The following OR2L13 variants were observed in gnomAD, a reference collection of about 807,000 sequenced individuals.
The protein encoded by OR2L13 is olfactory receptor 2L13.
A neutral mutation model predicts 15.3 loss-of-function variants in OR2L13; 14 were observed. The ratio of observed to expected loss-of-function variants is 0.91; its 90% CI spans 0.60 to 1.43. OR2L13 has a LOEUF of 1.43. Ranked by LOEUF, OR2L13 falls within the 40% of genes most tolerant of loss-of-function variation. The probability of loss-of-function intolerance (pLI) is 0.00; values close to 1 mark genes in which losing one functional copy is unlikely to be tolerated. For synonymous variants in OR2L13, 152 were observed against 142.9 expected, an observed-to-expected ratio of 1.06 and a Z score of -0.45; for missense variants, 367 against 387.9, an observed-to-expected ratio of 0.95 and a Z score of 0.45.
chr1:248,061,682 TTAAAA>T, the OR2L13 span: 1 of 1,382,980 alleles, frequency 7.2e-7, no homozygotes, highest in East Asian at 2.4e-5. Context: ...TGTATAGTAA[TTAAAA>T]TATTATTTCA....
At chr1:248,075,928 C>G in the OR2L13 span, among the ~76,000 whole-genome samples, 1 of 152,172 alleles carries the variant, frequency 6.6e-6, no homozygotes, top group African/African-American at 2.4e-5. Flanking sequence ...TTGCCCTTGC[C>G]TATGTCCTGA....
At chr1:248,091,971 C>A (rs1048637852), upstream of OR2L13, among the ~76,000 whole-genome samples, 2 of 152,018 alleles carry the variant, frequency 1.3e-5, no homozygotes, top group African/African-American at 4.8e-5. Flanking sequence ...TTCCTTTGAT[C>A]AGCATTTTAT....
At chr1:248,072,156 G>A in the OR2L13 span, among the ~76,000 whole-genome samples, 5 of 151,948 alleles carry the variant, frequency 3.3e-5, no homozygotes, top group Non-Finnish European at 5.9e-5. Flanking sequence ...CCAGAAAAGA[G>A]CCCACATTGC....
chr1:247,953,241 T>C, the OR2L13 span, among the ~76,000 whole-genome samples: 2 of 152,226 alleles, frequency 1.3e-5, no homozygotes, highest in African/African-American at 2.4e-5. Context: ...TCACTGTTCA[T>C]TGTGCCTCGT....
the OR2L13 span, among the ~76,000 whole-genome samples, chr1:248,071,614 A>T: frequency 6.6e-6 from 1 of 152,122 alleles, no homozygotes; most frequent in African/African-American, 2.4e-5. Context: ...ATAGTGTTGG[A>T]AGTTCTGGCC....
chr1:248,057,932 C>A, the OR2L13 span, among the ~76,000 whole-genome samples: 1 of 152,024 alleles, frequency 6.6e-6, no homozygotes, highest in Admixed American at 6.6e-5. Flanking sequence ...AATTTTAGTT[C>A]TTTCTTTTGA....
chr1:248,060,472 C>T, the OR2L13 span, among the ~76,000 whole-genome samples: 1 of 152,066 alleles, frequency 6.6e-6, no homozygotes, highest in Non-Finnish European at 1.5e-5. Context: ...ATAAGTTACT[C>T]TTGTTTATCT....
exon 3 of OR2L13, chr1:248,100,092 C>G: frequency 6.2e-7 from 1 of 1,613,972 alleles, no homozygotes; most frequent in Non-Finnish European, 8.5e-7. Flanking sequence ...CCTTCACCAC[C>G]ATTTCAACAC....
At chr1:247,942,132 C>T in the OR2L13 span, among the ~76,000 whole-genome samples, 2 of 152,112 alleles carry the variant, frequency 1.3e-5, no homozygotes, top group African/African-American at 2.4e-5. Flanking sequence ...CTCATGGGTG[C>T]AAATCATCTG....
At chr1:247,990,941 A>G in the OR2L13 span, 1 of 1,467,940 alleles carries the variant, frequency 6.8e-7, no homozygotes, top group Non-Finnish European at 9.5e-7. Flanking sequence ...CTTGCTGTCT[A>G]CCACATGCAC....
At chr1:248,058,761 T>C in the OR2L13 span, among the ~76,000 whole-genome samples, 164 of 152,140 alleles carry the variant, frequency 1.1e-3, no homozygotes, top group African/African-American at 3.8e-3. Flanking sequence ...ATTAACTTCA[T>C]TATTATTTTG....
chr1:248,099,579 G>A (rs1336369321), exon 3 of OR2L13: 8 of 1,613,772 alleles, frequency 5.0e-6, no homozygotes, highest in Non-Finnish European at 6.8e-6. Flanking sequence ...TCTCCCTTAT[G>A]GACCTGATGT....
At chr1:247,993,813 A>AGAGAGAGAGAGAG in the OR2L13 span, among the ~76,000 whole-genome samples, 1 of 77,874 alleles carries the variant, frequency 1.3e-5, no homozygotes, top group African/African-American at 5.4e-5. Context: ...GAGAGAGAGA[A>AGAGAGAGAGAGAG]AGAAAGAGAA....
chr1:248,090,780 A>G (rs1211119792), upstream of OR2L13, among the ~76,000 whole-genome samples: 3 of 152,204 alleles, frequency 2.0e-5, no homozygotes, highest in Non-Finnish European at 4.4e-5. Context: ...AGAACAATGT[A>G]TACTCCTTTG....
chr1:248,060,588 AG>A, the OR2L13 span: 2 of 942,278 alleles, frequency 2.1e-6, no homozygotes, highest in Non-Finnish European at 3.3e-6. Context: ...GAATTTACTG[AG>A]GGGCTTCAAA....
At chr1:247,978,810 C>T in the OR2L13 span, among the ~76,000 whole-genome samples, 1 of 151,876 alleles carries the variant, frequency 6.6e-6, no homozygotes, top group Non-Finnish European at 1.5e-5. Context: ...GGGACTGCCA[C>T]AGTGCTTCTC....
the OR2L13 span, among the ~76,000 whole-genome samples, chr1:248,024,954 G>T: frequency 6.6e-6 from 1 of 152,116 alleles, no homozygotes; most frequent in African/African-American, 2.4e-5. Flanking sequence ...AAAGTCATTG[G>T]TAGCTTGATG....
the OR2L13 span, among the ~76,000 whole-genome samples, chr1:248,074,120 A>G: frequency 6.6e-6 from 1 of 152,134 alleles, no homozygotes; most frequent in Admixed American, 6.6e-5. Context: ...ATAAATAAAA[A>G]ATTTAAAACT....
chr1:248,044,514 C>T, the OR2L13 span, among the ~76,000 whole-genome samples: 1 of 128,632 alleles, frequency 7.8e-6, no homozygotes, highest in Admixed American at 6.8e-5. Flanking sequence ...CTTAAAAACG[C>T]CTTCCCCGGC....
Sources: gnomAD v4.1 joint callset for allele counts (sites outside exome capture counted in the v4.1 genomes callset) on GRCh38, gnomAD v4.1.1 for gene constraint, MANE v1.5 for transcripts, NCBI Gene and HGNC (gene_info 2026-07-23, HGNC 2026-07-21) for gene names.